FAM20C: variants seen among roughly 807,000 people sequenced by gnomAD.
FAM20C encodes extracellular serine/threonine protein kinase FAM20C.
Under a neutral mutation model 51.5 loss-of-function variants are expected in FAM20C, and 40 were observed. The ratio of observed to expected loss-of-function variants is 0.78; its 90% CI spans 0.60 to 1.01. The LOEUF is 1.01. Ranked by LOEUF, FAM20C falls within the 50% of genes least tolerant of loss-of-function variation. FAM20C has a pLI of 0.00. For synonymous variants in FAM20C, 406 were observed against 380.6 expected, an observed-to-expected ratio of 1.07 and a Z score of -0.78; for missense variants, 861 against 844.7, an observed-to-expected ratio of 1.02 and a Z score of -0.24.
chr7:198,744 C>G (rs1786001827), intron 2 of FAM20C, among the ~76,000 whole-genome samples: 1 of 152,194 alleles, frequency 6.6e-6, no homozygotes, highest in African/African-American at 2.4e-5. Context: ...AGCGCACCTG[C>G]TGGGCAGGGT....
At chr7:200,997 GC>G (rs777520300) in intron 2 of FAM20C, among the ~76,000 whole-genome samples, 2 of 152,330 alleles carry the variant, frequency 1.3e-5, no homozygotes, top group Non-Finnish European at 2.9e-5. Context: ...GGGTATATGA[GC>G]CTGGGTGTGG....
chr7:201,097 TCA>T (rs1786108607), intron 2 of FAM20C, among the ~76,000 whole-genome samples: 1 of 152,176 alleles, frequency 6.6e-6, no homozygotes, highest in African/African-American at 2.4e-5. Flanking sequence ...TCTCCCGGTG[TCA>T]CATTCTCCAC....
chr7:254,812 TTGCCTGTTC>T (rs1371761000), intron 5 of FAM20C, among the ~76,000 whole-genome samples: 2 of 152,200 alleles, frequency 1.3e-5, no homozygotes, highest in African/African-American at 2.4e-5. Flanking sequence ...CTATCTGGAT[TTGCCTGTTC>T]TGGGCGTTTC....
chr7:256,084 G>A (rs1359235329), intron 6 of FAM20C, 55 bp downstream of exon 6: 22 of 1,517,740 alleles, frequency 1.4e-5, no homozygotes, highest in African/African-American at 2.8e-5. Context: ...GAGGGAGCTG[G>A]GCCTGGGCGG....
intron 2 of FAM20C, among the ~76,000 whole-genome samples, chr7:204,910 C>T (rs60343555): frequency 0.027 from 4,154 of 152,310 alleles, 111 homozygotes; most frequent in African/African-American, 0.071. Context: ...CCGCTGTTCT[C>T]GGTGCTCGGG....
At chr7:204,608 C>T (rs28502263) in intron 2 of FAM20C, among the ~76,000 whole-genome samples, 20,467 of 152,238 alleles carry the variant, frequency 0.13, 1,675 homozygotes, top group East Asian at 0.26. Context: ...TGGAGAGCCC[C>T]CACACTGCGG....
chr7:236,186 G>A (rs1459295012), intron 3 of FAM20C, among the ~76,000 whole-genome samples: 6 of 151,604 alleles, frequency 4.0e-5, no homozygotes, highest in Non-Finnish European at 8.8e-5. Context: ...TCCCTGTGCA[G>A]AAGGGAGGCT....
In FAM20C at chr7:193,601, C is replaced by G; in HGVS notation, c.402C>G (p.Pro134=). ...CCGGCGCCCTAAGACCCCACGACCC[C>G]GCGCACCGGCCGCTGCTGCGAGACC... is the stretch of plus-strand genomic sequence containing the variant. The part of the protein sequence containing the change: ...RDPGALRPHD[P]AHRPLLRDPG... Residue 134 remains proline (P), a synonymous_variant, in exon 1 of 10, where the codon CCC becomes CCG. Coordinates refer to ENST00000313766, the MANE Select transcript of FAM20C (RefSeq NM_020223.4). 2 of 1,536,816 alleles carry G rather than the reference C, an allele frequency of 1.3e-6. No individual in the cohort carries two copies. Among genetic ancestry groups the G allele is most frequent in the African/African-American group, 1.4e-5 (1 of 71,808 alleles).
chr7:201,208 G>C (rs1786112636), intron 2 of FAM20C, among the ~76,000 whole-genome samples: 1 of 152,228 alleles, frequency 6.6e-6, no homozygotes, highest in Non-Finnish European at 1.5e-5. Flanking sequence ...CAGTGGCTGT[G>C]AAGAGCAGGG....
chr7:252,262 A>G (rs1001955329), intron 5 of FAM20C, among the ~76,000 whole-genome samples: 1 of 145,590 alleles, frequency 6.9e-6, no homozygotes, highest in Non-Finnish European at 1.5e-5. Context: ...AGCCGAGGGC[A>G]CATCAGAGGG....
At chr7:217,105 G>A (rs1272888937) in intron 3 of FAM20C, among the ~76,000 whole-genome samples, 1 of 152,168 alleles carries the variant, frequency 6.6e-6, no homozygotes, top group Non-Finnish European at 1.5e-5. Context: ...AGGGGCCCAA[G>A]AGGAGGATGG....
intron 2 of FAM20C, among the ~76,000 whole-genome samples, chr7:199,486 G>A (rs1483891719): frequency 6.6e-6 from 1 of 152,224 alleles, no homozygotes; most frequent in Non-Finnish European, 1.5e-5. Context: ...TCCGGCCCCT[G>A]GGTGCTCACT....
chr7:252,574 C>T (rs992172393), intron 5 of FAM20C, among the ~76,000 whole-genome samples: 2 of 152,218 alleles, frequency 1.3e-5, no homozygotes, highest in Non-Finnish European at 1.5e-5. Flanking sequence ...CCCCCTCGGC[C>T]TCCCGTGGCC....
intron 3 of FAM20C, among the ~76,000 whole-genome samples, chr7:236,920 A>G (rs1787866672): frequency 6.6e-6 from 1 of 152,076 alleles, no homozygotes; most frequent in Non-Finnish European, 1.5e-5. Context: ...AGAAGACTCC[A>G]GGAGCATTTC....
chr7:218,494 T>A (rs28626936), intron 3 of FAM20C, among the ~76,000 whole-genome samples: 2 of 151,890 alleles, frequency 1.3e-5, no homozygotes, highest in Non-Finnish European at 2.9e-5. Flanking sequence ...GCCGGGGAGC[T>A]GAAGGGAGGC....
At chr7:203,674 A>C (rs1468731379) in intron 2 of FAM20C, among the ~76,000 whole-genome samples, 1 of 152,234 alleles carries the variant, frequency 6.6e-6, no homozygotes. Flanking sequence ...TGAGATCTTC[A>C]TGCCTTTAAT....
rs537240435 is a variant in FAM20C at position 259,970 on chromosome 7, C to T, written c.1745C>T (p.Ser582Leu). The T allele has an allele frequency of 2.0e-5, 30 of 1,514,570 alleles. No individual in the cohort carries two copies. The highest frequency in any genetic ancestry group is 5.5e-5 in the African/African-American group (4 of 72,746). The allele number at this position is 1,514,570 out of a possible 1,614,324, so 93.8% of individuals were successfully genotyped here. Residue 582 changes from serine to leucine, a missense_variant, in exon 10 of 10, where the codon TCG becomes TTG. Coordinates refer to ENST00000313766, the MANE Select transcript of FAM20C (RefSeq NM_020223.4). ...DDLDTEHRAASAR is the reference protein window; with the variant it reads ...DDLDTEHRAALAR ...CTGGACACTGAGCACAGAGCCGCCTCGGCGAGGTAGTGTCCGCCGGCCGCT... is the reference window on the plus strand; with the variant it reads ...CTGGACACTGAGCACAGAGCCGCCTTGGCGAGGTAGTGTCCGCCGGCCGCT...
intron 2 of FAM20C, among the ~76,000 whole-genome samples, chr7:206,561 C>CTGTCAT (rs1786402926): frequency 1.5e-5 from 1 of 65,170 alleles, no homozygotes; most frequent in African/African-American, 4.4e-5. Context: ...TGTGACGCGT[C>CTGTCAT]GGTCACTGTC....
At chr7:225,885 T>C (rs28627988) in intron 3 of FAM20C, among the ~76,000 whole-genome samples, 654 of 3,692 alleles carry the variant, frequency 0.18, 232 homozygotes, top group South Asian at 0.6. Context: ...GTCCCCTGAG[T>C]CTTCTCTCAC....
Sources: gnomAD v4.1 joint callset for allele counts (sites outside exome capture counted in the v4.1 genomes callset) on GRCh38, gnomAD v4.1.1 for gene constraint, MANE v1.5 for transcripts, NCBI Gene and HGNC (gene_info 2026-07-23, HGNC 2026-07-21) for gene names.